Variants in LRRC8D observed in about 807,000 individuals in gnomAD.
LRRC8D encodes volume-regulated anion channel subunit LRRC8D.
LRRC8D carries 20 observed loss-of-function variants against 55.8 expected under a neutral mutation model. The observed-to-expected ratio is 0.36, with a 90% CI of 0.25 to 0.52. The LOEUF (loss-of-function observed/expected upper bound fraction) is 0.52. LRRC8D is among the 20% of genes least tolerant of loss of function. LRRC8D has a pLI of 0.93. For synonymous variants in LRRC8D, 352 were observed against 377.0 expected, an observed-to-expected ratio of 0.93 and a Z score of 0.77; for missense variants, 651 against 1,030.8, an observed-to-expected ratio of 0.63 and a Z score of 5.05.
chr1:89,879,411 C>T (rs915279009), intron 2 of LRRC8D, among the ~76,000 whole-genome samples: 1 of 152,120 alleles, frequency 6.6e-6, no homozygotes, highest in African/African-American at 2.4e-5. Flanking sequence ...GAACTAGAGC[C>T]GTCCAGTAGT....
At chr1:89,860,822 G>A (rs1209358077) in intron 2 of LRRC8D, among the ~76,000 whole-genome samples, 2 of 86,172 alleles carry the variant, frequency 2.3e-5, no homozygotes, top group Admixed American at 1.5e-4. Context: ...ACACACAGAC[G>A]CATTTTGTAC....
chr1:89,921,685 C>T (rs893775177), intron 2 of LRRC8D, among the ~76,000 whole-genome samples: 1 of 152,078 alleles, frequency 6.6e-6, no homozygotes, highest in African/African-American at 2.4e-5. Context: ...GCTGGGATTC[C>T]AGGCATCTGC....
intron 2 of LRRC8D, among the ~76,000 whole-genome samples, chr1:89,905,962 C>T (rs540642074): frequency 6.6e-6 from 1 of 152,322 alleles, no homozygotes; most frequent in South Asian, 2.1e-4. Context: ...GACCTGACCC[C>T]TGCTTACCAG....
intron 2 of LRRC8D, 118 bp downstream of exon 2, chr1:89,843,900 A>G (rs1260093007): frequency 1.6e-5 from 8 of 514,872 alleles, no homozygotes; most frequent in African/African-American, 7.8e-5. Context: ...CCCGCCCCCC[A>G]CCACTGGCTT....
intron 2 of LRRC8D, among the ~76,000 whole-genome samples, chr1:89,869,297 T>C (rs1661936181): frequency 6.6e-6 from 1 of 152,130 alleles, no homozygotes; most frequent in Non-Finnish European, 1.5e-5. Flanking sequence ...GTAAATGACC[T>C]GATGGAGCTG....
intron 2 of LRRC8D, among the ~76,000 whole-genome samples, chr1:89,897,581 T>C (rs903079697): frequency 1.3e-5 from 2 of 152,238 alleles, no homozygotes; most frequent in Non-Finnish European, 2.9e-5. Context: ...GCTGTGTCTA[T>C]ACACACGCAG....
chr1:89,901,103 C>A (rs570257064), intron 2 of LRRC8D, among the ~76,000 whole-genome samples: 30 of 152,314 alleles, frequency 2.0e-4, no homozygotes, highest in African/African-American at 7.0e-4. Context: ...ATGGCTTCAT[C>A]AAAAACAGAG....
rs1269721284 is a variant in LRRC8D, at chr1:89,843,663, C to G, written c.-122C>G. The G allele has an allele frequency of 1.6e-5, 11 of 702,316 alleles. No homozygotes were observed. The highest frequency in any genetic ancestry group is 2.6e-5 in the Non-Finnish European group (10 of 384,900). The allele number at this position is 702,316 out of a possible 1,614,324, so 43.5% of individuals were successfully genotyped here. ...GAAGTGCACGGCTGTCTATAACGTG[C>G]TGCCGGGTCTCAGGATGGAGGAGTG... On this transcript the variant is annotated 5_prime_UTR_variant, in exon 2 of 3. Coordinates refer to ENST00000337338, the MANE Select transcript of LRRC8D (RefSeq NM_001134479.2).
intron 2 of LRRC8D, among the ~76,000 whole-genome samples, chr1:89,873,020 A>G (rs1230184113): frequency 6.6e-6 from 1 of 152,246 alleles, no homozygotes; most frequent in African/African-American, 2.4e-5. Context: ...CTTTTAATCC[A>G]GAAAATTTAC....
chr1:89,880,657 C>T (rs1334797886), intron 2 of LRRC8D, among the ~76,000 whole-genome samples: 1 of 152,078 alleles, frequency 6.6e-6, no homozygotes, highest in Non-Finnish European at 1.5e-5. Context: ...AAAGCAGCAA[C>T]TCTTGCCCAA....
chr1:89,914,312 C>T (rs572099946), intron 2 of LRRC8D, among the ~76,000 whole-genome samples: 3 of 152,338 alleles, frequency 2.0e-5, no homozygotes, highest in South Asian at 2.1e-4. Context: ...AAGCACAGCA[C>T]GCAGCCTTGG....
chr1:89,889,608 G>T (rs1014225245), intron 2 of LRRC8D, among the ~76,000 whole-genome samples: 1 of 150,006 alleles, frequency 6.7e-6, no homozygotes, highest in African/African-American at 2.4e-5. Context: ...CAGCCTGGAT[G>T]CACTGGCTCA....
intron 2 of LRRC8D, among the ~76,000 whole-genome samples, chr1:89,845,492 A>G (rs1014644048): frequency 6.6e-6 from 1 of 152,194 alleles, no homozygotes; most frequent in African/African-American, 2.4e-5. Context: ...GCTGGAGTGC[A>G]GTGACGTGAT....
chr1:89,915,125 A>C (rs1663232745), intron 2 of LRRC8D, among the ~76,000 whole-genome samples: 1 of 151,968 alleles, frequency 6.6e-6, no homozygotes, highest in African/African-American at 2.4e-5. Flanking sequence ...AATGATTATG[A>C]GCTTGATGGC....
chr1:89,906,083 T>C (rs1662983525), intron 2 of LRRC8D, among the ~76,000 whole-genome samples: 1 of 152,230 alleles, frequency 6.6e-6, no homozygotes, highest in Middle Eastern at 3.2e-3. Flanking sequence ...CACATTTTTA[T>C]GGGGCAGCCG....
At chr1:89,824,670 C>T (rs1660722438) in intron 1 of LRRC8D, among the ~76,000 whole-genome samples, 1 of 152,098 alleles carries the variant, frequency 6.6e-6, no homozygotes. Context: ...AATATGATGT[C>T]CCCTTACCCC....
intron 2 of LRRC8D, among the ~76,000 whole-genome samples, chr1:89,859,844 C>T (rs1661654441): frequency 6.6e-6 from 1 of 152,206 alleles, no homozygotes; most frequent in Admixed American, 6.5e-5. Context: ...GAGAGGCTAC[C>T]TTCCATTTTG....
chr1:89,879,520 A>G (rs1170098171), intron 2 of LRRC8D, among the ~76,000 whole-genome samples: 1 of 152,188 alleles, frequency 6.6e-6, no homozygotes, highest in African/African-American at 2.4e-5. Flanking sequence ...GGGATATTGT[A>G]TACTTCAAAG....
chr1:89,873,394 C>T (rs1044877246), intron 2 of LRRC8D, among the ~76,000 whole-genome samples: 2 of 152,154 alleles, frequency 1.3e-5, no homozygotes, highest in African/African-American at 2.4e-5. Context: ...AATACTAGAA[C>T]ATTTTGATAA....
Sources: gnomAD v4.1 joint callset for allele counts (sites outside exome capture counted in the v4.1 genomes callset) on GRCh38, gnomAD v4.1.1 for gene constraint, MANE v1.5 for transcripts, NCBI Gene and HGNC (gene_info 2026-07-23, HGNC 2026-07-21) for gene names.